DISP1: variants seen among roughly 807,000 people sequenced by gnomAD.
DISP1 encodes the protein protein dispatched homolog 1.
A neutral mutation model predicts 37.3 loss-of-function variants in DISP1; 30 were observed. That is an observed-to-expected ratio of 0.80 (90% confidence interval 0.60 to 1.09). The LOEUF (loss-of-function observed/expected upper bound fraction) is 1.09. Among genes scored for constraint, DISP1 ranks in the 50% least tolerant of loss-of-function variants. DISP1 has a pLI of 0.00. For synonymous variants in DISP1, 634 were observed against 690.2 expected (o/e 0.92, Z 1.28); for missense variants, 1,598 against 1,879.5 (o/e 0.85, Z 2.77).
chr1:223,002,712 C>A lies in DISP1; in HGVS notation c.1315C>A (p.Pro439Thr), dbSNP rs1200058031. The A allele has an allele frequency of 6.2e-7, 1 of 1,613,980 alleles. No homozygotes were observed. Among genetic ancestry groups the A allele is most frequent in the Non-Finnish European group, 8.5e-7 (1 of 1,180,030 alleles). ...CTTGGTGGACAAAGACTTTATGACC[C>A]CAAAGACGGCTGACTATGCCACGCC... ...HYLVDKDFMTPKTADYATPAL... is the reference protein window; with the variant it reads ...HYLVDKDFMTTKTADYATPAL... The change falls in exon 9 of 9, where the codon CCA (proline) becomes ACA (threonine). Residue 439 changes from proline (P) to threonine (T), a missense_variant. Transcript: ENST00000675850.
chr1:222,940,578 C>G (rs1052174489), intron 2 of DISP1, among the ~76,000 whole-genome samples: 7 of 152,194 alleles, frequency 4.6e-5, no homozygotes, highest in Admixed American at 1.3e-4. Context: ...ACTTACCCAG[C>G]ATCTGTGATT....
At chr1:222,824,540 T>C (rs1216415757) in intron 1 of DISP1, among the ~76,000 whole-genome samples, 1 of 152,226 alleles carries the variant, frequency 6.6e-6, no homozygotes, top group Non-Finnish European at 1.5e-5. Context: ...TTCTACATTT[T>C]TTTGTATATC....
chr1:222,956,561 T>C (rs1284061091), intron 3 of DISP1, among the ~76,000 whole-genome samples: 1 of 152,172 alleles, frequency 6.6e-6, no homozygotes, highest in Non-Finnish European at 1.5e-5. Flanking sequence ...TTATGAAGTA[T>C]GGTTTGATTG....
chr1:222,826,021 C>T (rs1572173062), intron 1 of DISP1, among the ~76,000 whole-genome samples: 2 of 152,264 alleles, frequency 1.3e-5, no homozygotes, highest in Admixed American at 1.3e-4. Flanking sequence ...CCTGCCTTAC[C>T]CTTCCAAGTT....
intron 1 of DISP1, among the ~76,000 whole-genome samples, chr1:222,926,405 A>G (rs1673087685): frequency 6.6e-6 from 1 of 152,150 alleles, no homozygotes; most frequent in Non-Finnish European, 1.5e-5. Flanking sequence ...TTGTATGAAC[A>G]TATTTTCTGT....
intron 4 of DISP1, among the ~76,000 whole-genome samples, chr1:222,990,241 G>T (rs1332096017): frequency 6.6e-6 from 1 of 152,178 alleles, no homozygotes; most frequent in Non-Finnish European, 1.5e-5. Context: ...ATTGGAGTAT[G>T]GATCCTCTGT....
At chr1:222,817,966 TG>T (rs2125116144) in intron 1 of DISP1, among the ~76,000 whole-genome samples, 1 of 152,374 alleles carries the variant, frequency 6.6e-6, no homozygotes, top group South Asian at 2.1e-4. Flanking sequence ...AGTTTTGCTT[TG>T]AGTGAGGCAT....
chr1:222,863,248 C>T (rs892466766), intron 1 of DISP1, among the ~76,000 whole-genome samples: 5 of 145,378 alleles, frequency 3.4e-5, no homozygotes, highest in Non-Finnish European at 7.8e-5. Flanking sequence ...GGGCTGAAGG[C>T]GGTGGCTCAT....
intron 8 of DISP1, among the ~76,000 whole-genome samples, chr1:222,995,651 G>A (rs1430205646): frequency 6.6e-6 from 1 of 152,162 alleles, no homozygotes; most frequent in Non-Finnish European, 1.5e-5. Flanking sequence ...TCTGGGTTTG[G>A]AAGAGCTGTC....
At chr1:222,924,747 T>C (rs1254703791) in intron 1 of DISP1, among the ~76,000 whole-genome samples, 1 of 152,146 alleles carries the variant, frequency 6.6e-6, no homozygotes, top group Non-Finnish European at 1.5e-5. Flanking sequence ...TGACACTTAA[T>C]GCTAAGAAAA....
In DISP1 at chr1:223,003,858, C is replaced by T; in HGVS notation, c.2461C>T (p.Pro821Ser). The change falls in exon 9 of 9, where the codon CCA (proline) becomes TCA (serine). Residue 821 changes from proline (P) to serine (S), a missense_variant. Transcript: ENST00000675850. This position sits in a 1 kb window ranked among gnomAD's most constrained non-coding sequence, Gnocchi z 4.3. The stretch of plus-strand genomic sequence containing the variant: ...AGATAGCAGTTTTAACATCGCCAGC[C>T]CAGCTTCCCAGGCCTGGATTTTGCA... ...TLDSSFNIAS[P>S]ASQAWILHFC... 1 of 1,614,126 alleles carries T rather than the reference C, an allele frequency of 6.2e-7. No individual in the cohort carries two copies. Among genetic ancestry groups the T allele is most frequent in the Admixed American group, 1.7e-5 (1 of 60,022 alleles).
At chr1:222,896,343 G>A (rs1295893472) in intron 1 of DISP1, among the ~76,000 whole-genome samples, 2 of 152,064 alleles carry the variant, frequency 1.3e-5, no homozygotes. Context: ...GCTCATGCCT[G>A]TAATCCCAGC....
rs765489550 is a variant in DISP1, at chr1:223,003,485, T to C, written c.2088T>C (p.Phe696=). The change falls in exon 9 of 9, where the codon TTT becomes TTC. Residue 696 remains phenylalanine (F), a synonymous_variant. Transcript: ENST00000675850. This position sits in a 1 kb window ranked among gnomAD's most constrained non-coding sequence, Gnocchi z 4.3. ...GCCAGAAGTGCCACAAAGTACTCTT[T>C]GCCATTTCAGAAGCATCTCGAATTT... ...VACQKCHKVL[F]AISEASRIFF... The C allele has an allele frequency of 6.2e-7, 1 of 1,614,198 alleles. No homozygotes were observed. The highest frequency in any genetic ancestry group is 1.1e-5 in the South Asian group (1 of 91,086).
chr1:222,819,037 G>C (rs765839865), intron 1 of DISP1, among the ~76,000 whole-genome samples: 5 of 152,196 alleles, frequency 3.3e-5, no homozygotes, highest in Admixed American at 6.5e-5. Flanking sequence ...TCTGGTGGTA[G>C]GTGATTGGAT....
At chr1:222,914,694 C>T (rs566724236) in intron 1 of DISP1, among the ~76,000 whole-genome samples, 7 of 152,280 alleles carry the variant, frequency 4.6e-5, no homozygotes, top group Non-Finnish European at 8.8e-5. Flanking sequence ...TGTGGTGGCT[C>T]ACACCTATAA....
At chr1:222,872,291 C>G (rs113932883) in intron 1 of DISP1, 1 of 152,220 alleles carries the variant, frequency 6.6e-6, no homozygotes, top group Non-Finnish European at 1.5e-5. Flanking sequence ...CAGGATGATG[C>G]TGGCCTCATA....
intron 1 of DISP1, among the ~76,000 whole-genome samples, chr1:222,898,314 T>C (rs1323211630): frequency 1.3e-5 from 2 of 152,086 alleles, no homozygotes; most frequent in Non-Finnish European, 2.9e-5. Flanking sequence ...TAGAGCCGAT[T>C]GTTGGGGAGG....
chr1:222,941,643 A>G (rs552477184), intron 2 of DISP1, among the ~76,000 whole-genome samples: 1 of 152,136 alleles, frequency 6.6e-6, no homozygotes, highest in South Asian at 2.1e-4. Context: ...CAGTTTACAT[A>G]CTGGGTGAAA....
chr1:222,974,954 A>C (rs1376936984), intron 3 of DISP1, among the ~76,000 whole-genome samples: 1 of 152,214 alleles, frequency 6.6e-6, no homozygotes, highest in Non-Finnish European at 1.5e-5. Flanking sequence ...CTACTTGCAG[A>C]ATAGCCTTTC....
Sources: allele counts gnomAD v4.1 joint callset (sites outside exome capture counted in the v4.1 genomes callset), GRCh38; gene constraint gnomAD v4.1.1; non-coding constraint Gnocchi (gnomAD v3.1); transcripts MANE v1.5; gene names NCBI Gene and HGNC (gene_info 2026-07-23, HGNC 2026-07-21).